Variants in PDXDC1 observed in about 807,000 individuals in gnomAD.
PDXDC1 encodes pyridoxal dependent decarboxylase domain containing 1.
A neutral mutation model predicts 100.1 loss-of-function variants in PDXDC1; 42 were observed. That is an observed-to-expected ratio of 0.42 (90% CI 0.33 to 0.54). The LOEUF (loss-of-function observed/expected upper bound fraction) is 0.54. Among genes scored for constraint, PDXDC1 ranks in the 20% least tolerant of loss-of-function variants. The pLI is 0.10. For missense variants in PDXDC1, 636 were observed against 979.2 expected, an observed-to-expected ratio of 0.65 and a Z score of 4.68; for synonymous variants, 260 against 371.7, an observed-to-expected ratio of 0.70 and a Z score of 3.46.
chr16:15,020,301 C>T (rs1370848254), intron 12 of PDXDC1, among the ~76,000 whole-genome samples: 1 of 152,284 alleles, frequency 6.6e-6, no homozygotes, highest in Non-Finnish European at 1.5e-5. Context: ...GCAGTAGTGT[C>T]TGTTCATATA....
At position 14,988,195 on chromosome 16, in the gene PDXDC1, A is replaced by C. The variant is rs1969862472; in HGVS notation, c.22-9558A>C. 3.1e-6 allele frequency: 5 copies of C among 1,608,432 alleles called. No individual in the cohort carries two copies. In the Admixed American group the frequency reaches 8.3e-5, roughly 27 times the overall value. On this transcript the variant is annotated intron_variant, in intron 1 of 22. Coordinates refer to ENST00000396410, the MANE Select transcript of PDXDC1 (RefSeq NM_015027.4). The stretch of plus-strand genomic sequence containing the variant: ...TTCCAAAGGATCCCTTGCTCCTGGC[A>C]GTGGGACTTTCAGTGCTGGGTGTCT...
chr16:15,003,214 T>C (rs1179662319), intron 4 of PDXDC1, among the ~76,000 whole-genome samples: 1 of 148,224 alleles, frequency 6.7e-6, no homozygotes, highest in Non-Finnish European at 1.5e-5. Flanking sequence ...TGAGATTTAA[T>C]TCTTTTTTTT....
intron 16 of PDXDC1, among the ~76,000 whole-genome samples, chr16:15,067,349 G>A (rs972293824): frequency 4.6e-5 from 6 of 129,710 alleles, no homozygotes; most frequent in Admixed American, 3.5e-4. Context: ...AATCTGTGCT[G>A]CCAGTCTAGC....
intron 16 of PDXDC1, chr16:15,086,187 T>A: frequency 6.3e-7 from 1 of 1,596,212 alleles, no homozygotes; most frequent in Non-Finnish European, 8.6e-7. Context: ...CAGTCTGTGC[T>A]GATACAAGAT....
chr16:15,092,902 T>G (rs1452765187), intron 16 of PDXDC1, among the ~76,000 whole-genome samples: 1 of 152,234 alleles, frequency 6.6e-6, no homozygotes, highest in African/African-American at 2.4e-5. Flanking sequence ...CTTGTTTTAC[T>G]ACAGCCATAA....
chr16:15,009,411 T>C (rs535519460), intron 7 of PDXDC1: 4 of 567,136 alleles, frequency 7.1e-6, no homozygotes, highest in Admixed American at 6.8e-5. Flanking sequence ...AGAGAACATT[T>C]CATTTAAATG....
intron 16 of PDXDC1, chr16:15,071,277 G>C (rs774929795): frequency 6.3e-6 from 10 of 1,575,132 alleles, no homozygotes; most frequent in African/African-American, 1.4e-5. Context: ...GCGTCGGTGT[G>C]ATCTTTTTTA....
chr16:15,075,021 G>T (rs567263801), intron 16 of PDXDC1, among the ~76,000 whole-genome samples: 5 of 152,188 alleles, frequency 3.3e-5, no homozygotes, highest in South Asian at 2.1e-4. Context: ...AAGCAGAGGT[G>T]GGGGGATCAC....
intron 16 of PDXDC1, among the ~76,000 whole-genome samples, chr16:15,101,347 C>T (rs922267435): frequency 3.3e-5 from 5 of 152,172 alleles, no homozygotes; most frequent in East Asian, 3.9e-4. Context: ...GACGGAGTCT[C>T]GCTCTTTCAC....
chr16:15,122,977 C>T (rs990323724), intron 16 of PDXDC1, among the ~76,000 whole-genome samples: 21 of 150,520 alleles, frequency 1.4e-4, no homozygotes, highest in African/African-American at 4.4e-4. Context: ...AGTTCTCAAG[C>T]GCTGGTGGAA....
intron 1 of PDXDC1, among the ~76,000 whole-genome samples, chr16:14,978,412 C>G (rs1171072081): frequency 6.6e-6 from 1 of 152,298 alleles, no homozygotes; most frequent in South Asian, 2.1e-4. Flanking sequence ...ATTTTTGAGA[C>G]AGGATCTCTC....
intron 16 of PDXDC1, chr16:15,047,304 G>A (rs2044113405): frequency 3.0e-6 from 2 of 661,218 alleles, no homozygotes; most frequent in Non-Finnish European, 5.5e-6. Context: ...CCCACGTCGT[G>A]CCAGGTTCTG....
rs1424663452 is a variant in PDXDC1 at position 15,137,580 on chromosome 16, C to T, written c.1400-1299C>T. Reference sequence around the variant, plus strand: ...CACTGGACCCCGGGTTCTGCTCCTCCTGGCTCCACCCCACACACCCCCATC... The same window carrying T: ...CACTGGACCCCGGGTTCTGCTCCTCTTGGCTCCACCCCACACACCCCCATC... On this transcript the variant is annotated intron_variant, in intron 16 of 16. Coordinates refer to the PDXDC1 transcript ENST00000535621. 2.2e-5 allele frequency: 29 copies of T among 1,294,250 alleles called. No homozygotes were observed. In the East Asian group the frequency reaches 6.3e-4, roughly 28 times the overall value. The allele number at this position is 1,294,250 out of a possible 1,614,324, so 80.2% of individuals were successfully genotyped here. A position where few individuals can be genotyped will look rare whatever the true frequency, so the allele number is the denominator to read the frequency against.
At chr16:15,054,961 G>A (rs1413840246) in intron 16 of PDXDC1, among the ~76,000 whole-genome samples, 10 of 152,112 alleles carry the variant, frequency 6.6e-5, no homozygotes, top group Admixed American at 6.5e-4. Flanking sequence ...GAAAGGGGAC[G>A]CTTTTTCTTT....
chr16:15,133,786 T>C, intron 16 of PDXDC1: 2 of 1,588,800 alleles, frequency 1.3e-6, no homozygotes, highest in South Asian at 2.3e-5. Context: ...TAAGCAGGCC[T>C]GTACTCACCC....
intron 16 of PDXDC1, chr16:15,136,014 G>C (rs1257040061): frequency 6.5e-7 from 1 of 1,541,060 alleles, no homozygotes; most frequent in Non-Finnish European, 8.8e-7. Flanking sequence ...CTGTGGCTGG[G>C]TGTGGCTCCC....
chr16:14,987,366 CTTAGTT>C (rs1357345209), intron 1 of PDXDC1, among the ~76,000 whole-genome samples: 1 of 152,282 alleles, frequency 6.6e-6, no homozygotes, highest in Non-Finnish European at 1.5e-5. Flanking sequence ...TAGAATTTTA[CTTAGTT>C]TTAAATTCTG....
In PDXDC1 at chr16:15,037,934, A is replaced by G; in HGVS notation, c.*1659A>G. The G allele has an allele frequency of 2.4e-6, 2 of 817,816 alleles. No homozygotes were observed. Among genetic ancestry groups the G allele is most frequent in the Admixed American group, 4.7e-5 (2 of 42,498 alleles). 50.7% of individuals were successfully genotyped at this position (817,816 alleles called of 1,614,324 possible). Reference sequence around the variant, plus strand: ...AGACACTGAGGAGGGAAGGAGGCCTAAGACCCAACAGATGTAGGATCCAGA... The same window carrying G: ...AGACACTGAGGAGGGAAGGAGGCCTGAGACCCAACAGATGTAGGATCCAGA... On this transcript the variant is annotated 3_prime_UTR_variant, in exon 23 of 23. Coordinates refer to ENST00000396410, the MANE Select transcript of PDXDC1 (RefSeq NM_015027.4).
intron 8 of PDXDC1, among the ~76,000 whole-genome samples, chr16:15,010,550 A>G (rs1490915114): frequency 1.3e-5 from 2 of 152,292 alleles, no homozygotes; most frequent in East Asian, 1.9e-4. Flanking sequence ...AAGAAAATTC[A>G]TAAGATGTCA....
Sources: gnomAD v4.1 joint callset for allele counts (sites outside exome capture counted in the v4.1 genomes callset) on GRCh38, gnomAD v4.1.1 for gene constraint, MANE v1.5 for transcripts, NCBI Gene and HGNC (gene_info 2026-07-23, HGNC 2026-07-21) for gene names.